HNRNPLL: variants seen among roughly 807,000 people sequenced by gnomAD.
The protein encoded by HNRNPLL is heterogeneous nuclear ribonucleoprotein L-like.
Under a neutral mutation model 67.1 loss-of-function variants are expected in HNRNPLL, and 25 were observed. The observed-to-expected ratio is 0.37, with a 90% CI of 0.27 to 0.52. HNRNPLL has a LOEUF of 0.52. Among genes scored for constraint, HNRNPLL ranks in the 20% least tolerant of loss-of-function variants. HNRNPLL has a pLI of 0.90. For missense variants in HNRNPLL, 542 were observed against 673.9 expected (o/e 0.80, Z 2.17); for synonymous variants, 267 against 241.7 (o/e 1.10, Z -0.97).
intron 6 of HNRNPLL, chr2:38,577,786 C>G: frequency 2.0e-6 from 1 of 493,570 alleles, no homozygotes; most frequent in Admixed American, 3.3e-5. Context: ...ATCACACTTT[C>G]AAATTTAAGG....
intron 6 of HNRNPLL, chr2:38,581,645 G>A: frequency 1.9e-6 from 1 of 518,434 alleles, no homozygotes; most frequent in Non-Finnish European, 3.4e-6. Flanking sequence ...AGAGAGAGCT[G>A]CTTGGAGAAA....
intron 1 of HNRNPLL, among the ~76,000 whole-genome samples, chr2:38,592,916 G>T (rs925854356): frequency 6.6e-6 from 1 of 151,976 alleles, no homozygotes; most frequent in African/African-American, 2.4e-5. Context: ...TTTCTTTAAG[G>T]CTATTTTAAA....
intron 7 of HNRNPLL, among the ~76,000 whole-genome samples, chr2:38,576,242 C>T (rs528738824): frequency 6.6e-6 from 1 of 151,826 alleles, no homozygotes; most frequent in Non-Finnish European, 1.5e-5. Flanking sequence ...AGTTTTTAGC[C>T]TTCAGCTGAC....
At chr2:38,574,174 ACAACTTTAT>A (rs1666208355) in intron 7 of HNRNPLL, among the ~76,000 whole-genome samples, 1 of 151,936 alleles carries the variant, frequency 6.6e-6, no homozygotes, top group Non-Finnish European at 1.5e-5. Context: ...GTAGCTTTAA[ACAACTTTAT>A]CTGTTTTTCC....
At chr2:38,575,204 CTACT>C (rs1366381107) in intron 7 of HNRNPLL, among the ~76,000 whole-genome samples, 10 of 151,820 alleles carry the variant, frequency 6.6e-5, no homozygotes, top group African/African-American at 2.2e-4. Context: ...CTTATCTATA[CTACT>C]TAAAGTATTA....
At chr2:38,593,574 T>C (rs192997873) in intron 1 of HNRNPLL, among the ~76,000 whole-genome samples, 2 of 152,206 alleles carry the variant, frequency 1.3e-5, no homozygotes, top group East Asian at 1.9e-4. Context: ...GAAGATTCTA[T>C]ATGGAGACTA....
intron 12 of HNRNPLL, 26 bp downstream of exon 12, chr2:38,568,173 C>A: frequency 7.0e-7 from 1 of 1,433,738 alleles, no homozygotes; most frequent in African/African-American, 1.4e-5. Context: ...TACATAATTA[C>A]AACACAAATA....
chr2:38,579,179 C>T (rs964358593), intron 6 of HNRNPLL, among the ~76,000 whole-genome samples: 4 of 152,058 alleles, frequency 2.6e-5, no homozygotes, highest in African/African-American at 7.2e-5. Context: ...GGGAATCAGA[C>T]GATTCCAACT....
At chr2:38,584,784 T>G (rs1666658835) in intron 3 of HNRNPLL, among the ~76,000 whole-genome samples, 1 of 152,044 alleles carries the variant, frequency 6.6e-6, no homozygotes, top group African/African-American at 2.4e-5. Context: ...GAGTAATTAT[T>G]CAACTATCAA....
At chr2:38,580,457 A>G (rs1666479806) in intron 6 of HNRNPLL, among the ~76,000 whole-genome samples, 1 of 152,248 alleles carries the variant, frequency 6.6e-6, no homozygotes, top group Non-Finnish European at 1.5e-5. Context: ...AAACATGCAA[A>G]AGATCAATCA....
At chr2:38,565,552 A>T (rs887477237) in intron 12 of HNRNPLL, among the ~76,000 whole-genome samples, 1 of 151,888 alleles carries the variant, frequency 6.6e-6, no homozygotes, top group Non-Finnish European at 1.5e-5. Context: ...TGTAAAAAAA[A>T]TTTAAAAATA....
chr2:38,590,398 A>G (rs1184282296), intron 2 of HNRNPLL, among the ~76,000 whole-genome samples: 2 of 152,188 alleles, frequency 1.3e-5, no homozygotes, highest in Admixed American at 1.3e-4. Context: ...CAGAAAACAC[A>G]CTGAAATTTC....
chr2:38,572,001 A>G (rs1452828469), intron 8 of HNRNPLL, among the ~76,000 whole-genome samples: 2 of 152,202 alleles, frequency 1.3e-5, no homozygotes, highest in Admixed American at 6.5e-5. Context: ...TGAAAAACAC[A>G]AAAAGAAAAT....
chr2:38,595,479 C>T (rs927702491), intron 1 of HNRNPLL, among the ~76,000 whole-genome samples: 4 of 151,754 alleles, frequency 2.6e-5, no homozygotes, highest in African/African-American at 9.7e-5. Context: ...AAAAAAATCT[C>T]CTTTTAATAT....
chr2:38,571,399 A>G (rs1044870491), intron 8 of HNRNPLL, among the ~76,000 whole-genome samples: 1 of 152,196 alleles, frequency 6.6e-6, no homozygotes, highest in Non-Finnish European at 1.5e-5. Flanking sequence ...TGTACCAATG[A>G]CATAGATGAC....
At chr2:38,595,447 C>T (rs1429824694) in intron 1 of HNRNPLL, among the ~76,000 whole-genome samples, 2 of 151,808 alleles carry the variant, frequency 1.3e-5, no homozygotes, top group Non-Finnish European at 2.9e-5. Flanking sequence ...ATGGATTATA[C>T]AATCGATTTT....
chr2:38,587,882 C>G (rs1326012484), intron 2 of HNRNPLL, among the ~76,000 whole-genome samples: 1 of 152,100 alleles, frequency 6.6e-6, no homozygotes, highest in African/African-American at 2.4e-5. Context: ...AGCACTATCC[C>G]CCTAGCGCTG....
At chr2:38,592,685 T>C (rs1202507928) in intron 1 of HNRNPLL, among the ~76,000 whole-genome samples, 1 of 152,220 alleles carries the variant, frequency 6.6e-6, no homozygotes, top group Admixed American at 6.5e-5. Context: ...AAAATGCAAA[T>C]AGCTTTCATT....
Position 38,585,727 on chromosome 2 carries a change from G to A in HNRNPLL, c.463C>T (p.Arg155Trp). 6.2e-7 allele frequency: 1 copy of A among 1,613,716 alleles called. No individual in the cohort carries two copies. Among genetic ancestry groups the A allele is most frequent in the Non-Finnish European group, 8.5e-7 (1 of 1,179,658 alleles). Residue 155 changes from arginine (R) to tryptophan (W), a missense_variant, in exon 3 of 13, where the codon CGG (arginine) becomes TGG (tryptophan). Coordinates refer to ENST00000449105, the MANE Select transcript of HNRNPLL (RefSeq NM_138394.4). ...GATGGATCATCAGTATTTCCTGGCC[G>A]AGTGATCCTTTTGCTTGTAGAATAG... Reference protein sequence around the residue: ...FNYSTSKRITRPGNTDDPSGG... With the variant: ...FNYSTSKRITWPGNTDDPSGG...
Sources: allele counts gnomAD v4.1 joint callset (sites outside exome capture counted in the v4.1 genomes callset), GRCh38; gene constraint gnomAD v4.1.1; transcripts MANE v1.5; gene names NCBI Gene and HGNC (gene_info 2026-07-23, HGNC 2026-07-21).